CADM2: variants seen among roughly 807,000 people sequenced by gnomAD.
The protein encoded by CADM2 is immunoglobulin superfamily member 4D.
Under a neutral mutation model 49.8 loss-of-function variants are expected in CADM2, and 12 were observed. The observed-to-expected ratio is 0.24, with a 90% CI of 0.15 to 0.39. The LOEUF is 0.39. Among genes scored for constraint, CADM2 ranks in the 10% least tolerant of loss-of-function variants. The pLI is 1.00. For missense variants in CADM2, 378 were observed against 492.3 expected (o/e 0.77, Z 2.20); for synonymous variants, 214 against 175.4 (o/e 1.22, Z -1.74).
chr3:85,670,714 G>A (rs1026243541), intron 1 of CADM2, among the ~76,000 whole-genome samples: 4 of 152,176 alleles, frequency 2.6e-5, no homozygotes, highest in African/African-American at 9.7e-5. Flanking sequence ...GGAAGGAAGT[G>A]TTATCTCTGA....
intron 8 of CADM2, among the ~76,000 whole-genome samples, chr3:86,009,196 AATAT>A (rs1471759382): frequency 2.7e-5 from 3 of 112,662 alleles, no homozygotes; most frequent in African/African-American, 1.2e-4. Flanking sequence ...TATATGTATG[AATAT>A]ATATGTGTAT....
intron 1 of CADM2, among the ~76,000 whole-genome samples, chr3:85,425,291 G>T (rs554974572): frequency 1.3e-5 from 2 of 152,232 alleles, no homozygotes; most frequent in Non-Finnish European, 2.9e-5. Flanking sequence ...GTAATGGTTA[G>T]TCAAAAGAGC....
intron 1 of CADM2, among the ~76,000 whole-genome samples, chr3:85,189,446 A>G (rs2041149916): frequency 1.3e-5 from 2 of 152,188 alleles, no homozygotes; most frequent in Admixed American, 1.3e-4. Context: ...TGAATTTTAA[A>G]TCAGCAGCTC....
At chr3:85,884,648 G>A (rs1358975163) in intron 4 of CADM2, among the ~76,000 whole-genome samples, 1 of 151,328 alleles carries the variant, frequency 6.6e-6, no homozygotes, top group Non-Finnish European at 1.5e-5. Context: ...GAGGAGTTAT[G>A]TTAATTTTTC....
intron 8 of CADM2, among the ~76,000 whole-genome samples, chr3:86,028,423 A>C (rs1734178545): frequency 6.6e-6 from 1 of 152,192 alleles, no homozygotes; most frequent in East Asian, 1.9e-4. Flanking sequence ...CAGTTGCTAT[A>C]AAATAGTGTT....
chr3:85,846,024 T>C (rs1003798140), intron 3 of CADM2, among the ~76,000 whole-genome samples: 1 of 151,974 alleles, frequency 6.6e-6, no homozygotes, highest in Admixed American at 6.6e-5. Context: ...CAGAGGAGGA[T>C]TCCAAATAAA....
intron 1 of CADM2, among the ~76,000 whole-genome samples, chr3:85,688,885 A>G (rs1299628761): frequency 1.3e-5 from 2 of 152,110 alleles, no homozygotes; most frequent in African/African-American, 4.8e-5. Flanking sequence ...ACAGTTTCTT[A>G]AAAAATAAGC....
intron 1 of CADM2, among the ~76,000 whole-genome samples, chr3:85,528,743 T>C (rs1269510239): frequency 6.6e-6 from 1 of 151,736 alleles, no homozygotes; most frequent in Non-Finnish European, 1.5e-5. Context: ...AATGTTGACA[T>C]TGGTGCCTCC....
At chr3:85,438,043 A>C (rs2037013871) in intron 1 of CADM2, among the ~76,000 whole-genome samples, 1 of 152,058 alleles carries the variant, frequency 6.6e-6, no homozygotes, top group South Asian at 2.1e-4. Context: ...GCTTTAATAT[A>C]TTTATTGCTT....
intron 1 of CADM2, among the ~76,000 whole-genome samples, chr3:85,137,751 A>G (rs1461790063): frequency 6.6e-6 from 1 of 152,134 alleles, no homozygotes; most frequent in African/African-American, 2.4e-5. Flanking sequence ...AGGCAGTTGT[A>G]TTAAAGCTTA....
At chr3:85,769,587 A>G (rs1247305914) in intron 2 of CADM2, among the ~76,000 whole-genome samples, 2 of 100,148 alleles carry the variant, frequency 2.0e-5, no homozygotes, top group Non-Finnish European at 3.7e-5. Context: ...ATATACATAT[A>G]TAGTATATAC....
chr3:85,005,706 A>G (rs1258496954), intron 1 of CADM2, among the ~76,000 whole-genome samples: 1 of 151,662 alleles, frequency 6.6e-6, no homozygotes, highest in Admixed American at 6.6e-5. Context: ...AAAAAAATAC[A>G]GTTTTTTTTT....
chr3:85,109,397 G>A (rs2038368283), intron 1 of CADM2, among the ~76,000 whole-genome samples: 1 of 151,740 alleles, frequency 6.6e-6, no homozygotes, highest in Non-Finnish European at 1.5e-5. Flanking sequence ...GAGAGAGAGA[G>A]AGAAAGACAT....
At chr3:85,405,220 G>T (rs1413100294) in intron 1 of CADM2, among the ~76,000 whole-genome samples, 1 of 152,100 alleles carries the variant, frequency 6.6e-6, no homozygotes, top group East Asian at 1.9e-4. Flanking sequence ...CCTTAACTAT[G>T]ATTTACTCAA....
rs556533791 is a variant in CADM2 at position 85,265,244 on chromosome 3, A to T, written c.61+305576A>T. 3.3e-5 allele frequency among the ~76,000 whole-genome samples: 5 copies of T among 152,090 alleles called. No homozygotes were observed. In the South Asian group the frequency reaches 6.2e-4, roughly 19 times the overall value. On this transcript the variant is annotated intron_variant, in intron 1 of 9. Transcript: ENST00000383699. ...AATACATTAAAATATTTTTTAATTA[A>T]TTTTTACTTATTGAGCTATTTTCAT...
intron 1 of CADM2, among the ~76,000 whole-genome samples, chr3:85,724,684 T>A (rs1269806699): frequency 6.6e-6 from 1 of 151,970 alleles, no homozygotes; most frequent in Non-Finnish European, 1.5e-5. Context: ...GCACACTTTT[T>A]TTTTAGGTTT....
intron 1 of CADM2, among the ~76,000 whole-genome samples, chr3:85,490,375 G>A (rs996304504): frequency 2.7e-5 from 4 of 150,538 alleles, no homozygotes; most frequent in Non-Finnish European, 4.4e-5. Context: ...TTAGAATAGA[G>A]ATCATTTTCA....
intron 1 of CADM2, among the ~76,000 whole-genome samples, chr3:85,528,859 A>G (rs2061232572): frequency 6.6e-6 from 1 of 152,216 alleles, no homozygotes; most frequent in Non-Finnish European, 1.5e-5. Context: ...AAGCAATGAA[A>G]TAAACAAAAA....
At chr3:85,415,368 A>G (rs544466788) in intron 1 of CADM2, among the ~76,000 whole-genome samples, 4 of 151,798 alleles carry the variant, frequency 2.6e-5, no homozygotes, top group Non-Finnish European at 5.9e-5. Context: ...TTCATTTTTA[A>G]TATACACTCA....
Sources: allele counts gnomAD v4.1 joint callset (sites outside exome capture counted in the v4.1 genomes callset), GRCh38; gene constraint gnomAD v4.1.1; transcripts MANE v1.5; gene names NCBI Gene and HGNC (gene_info 2026-07-23, HGNC 2026-07-21).